Variants in ODAD1 observed in about 807,000 individuals in gnomAD.
ODAD1 encodes the protein outer dynein arm-docking complex subunit 1.
Under a neutral mutation model 67.2 loss-of-function variants are expected in ODAD1, and 49 were observed. The observed-to-expected ratio is 0.73, with a 90% CI of 0.58 to 0.92. The LOEUF is 0.92. ODAD1 is among the 40% of genes least tolerant of loss of function. ODAD1 has a pLI of 0.00. For synonymous variants in ODAD1, 345 were observed against 393.7 expected, an observed-to-expected ratio of 0.88 and a Z score of 1.46; for missense variants, 897 against 953.7, an observed-to-expected ratio of 0.94 and a Z score of 0.78.
intron 7 of ODAD1, among the ~76,000 whole-genome samples, chr19:48,307,455 T>C (rs1390172076): frequency 2.0e-5 from 3 of 151,896 alleles, no homozygotes; most frequent in African/African-American, 7.3e-5. Context: ...TTAAAACATA[T>C]AAAATATGTG....
intron 7 of ODAD1, among the ~76,000 whole-genome samples, chr19:48,308,527 C>G (rs1234194045): frequency 2.6e-5 from 4 of 152,178 alleles, no homozygotes; most frequent in Admixed American, 2.6e-4. Context: ...GGAGAAATGA[C>G]AGAGTCTTTT....
intron 7 of ODAD1, among the ~76,000 whole-genome samples, chr19:48,309,303 G>A (rs2147324999): frequency 6.6e-6 from 1 of 152,326 alleles, no homozygotes; most frequent in South Asian, 2.1e-4. Flanking sequence ...TGGGGGCCAG[G>A]TTGCCAGTAC....
At chr19:48,298,383 G>A (rs1387468134) in intron 12 of ODAD1, 43 bp from the exon 13 acceptor site, 1 of 1,601,640 alleles carries the variant, frequency 6.2e-7, no homozygotes. Context: ...GGCACCGCCA[G>A]CTGGGTGCCA....
chr19:48,310,484 C>A (rs944866026), intron 7 of ODAD1, among the ~76,000 whole-genome samples: 3 of 152,146 alleles, frequency 2.0e-5, no homozygotes, highest in Non-Finnish European at 4.4e-5. Flanking sequence ...GTTTAGAATT[C>A]TAACAATGTT....
In ODAD1 at chr19:48,303,048, A is replaced by G; in HGVS notation, c.1036T>C (p.Leu346=). The change falls in exon 11 of 16, where the codon TTG becomes CTG. Residue 346 remains leucine (L), a synonymous_variant. Transcript: ENST00000674294. ...AEFNFINEQN[L]ELEHVQEEIK... ...TCTTCCTGCACATGCTCCAGCTCCA[A>G]GTTCTGCTCGTTGATGAAGTTGAAC... 6.2e-7 allele frequency: 1 copy of G among 1,614,162 alleles called. No individual in the cohort carries two copies. Among genetic ancestry groups the G allele is most frequent in the Non-Finnish European group, 8.5e-7 (1 of 1,180,028 alleles).
intron 5 of ODAD1, among the ~76,000 whole-genome samples, chr19:48,313,447 CCAAAAAA>C (rs1569010182): frequency 2.7e-5 from 2 of 74,516 alleles, no homozygotes; most frequent in African/African-American, 7.3e-5. Flanking sequence ...AAAAAAAAAA[CCAAAAAA>C]AAACCTCACA....
At chr19:48,304,346 C>T (rs932826717) in intron 8 of ODAD1, among the ~76,000 whole-genome samples, 1 of 152,160 alleles carries the variant, frequency 6.6e-6, no homozygotes, top group Non-Finnish European at 1.5e-5. Context: ...AGAGAACTGG[C>T]TGGGCACGGT....
chr19:48,313,881 TCAAAACAAAA>T (rs199535441), intron 5 of ODAD1, among the ~76,000 whole-genome samples: 1,694 of 150,126 alleles, frequency 0.011, 24 homozygotes, highest in African/African-American at 0.032. Context: ...AGATCCTGTC[TCAAAACAAAA>T]CAAAACAAAA....
At chr19:48,306,366 C>T in intron 7 of ODAD1, 43 bp from the exon 8 acceptor site, 1 of 1,499,562 alleles carries the variant, frequency 6.7e-7, no homozygotes, top group Non-Finnish European at 9.1e-7. Context: ...TTCTTACAAC[C>T]CCATTGCTCG....
At position 48,321,813 on chromosome 19, in the gene ODAD1, G is replaced by A; in HGVS notation, c.-199C>T. On this transcript the variant is annotated 5_prime_UTR_variant, in exon 1 of 16. Coordinates refer to ENST00000674294, the MANE Select transcript of ODAD1 (RefSeq NM_001364171.2). ...GCTGACTGTGACCACGTTAAATTAA[G>A]GATTCATAGGAAGGAAGGCGGTGTC... 1 of 398,674 alleles carries A rather than the reference G, an allele frequency of 2.5e-6. No individual in the cohort carries two copies. The highest frequency in any genetic ancestry group is 4.4e-6 in the Non-Finnish European group (1 of 226,074). The allele number at this position is 398,674 out of a possible 1,614,324, so 24.7% of individuals were successfully genotyped here.
At chr19:48,310,166 G>A (rs1432239767) in intron 7 of ODAD1, among the ~76,000 whole-genome samples, 3 of 152,046 alleles carry the variant, frequency 2.0e-5, no homozygotes, top group South Asian at 2.1e-4. Flanking sequence ...CCCGGGAGGT[G>A]GAGGTTGCAG....
intron 14 of ODAD1, 130 bp from the exon 15 acceptor site, chr19:48,297,798 A>C: frequency 1.1e-6 from 1 of 934,122 alleles, no homozygotes; most frequent in Non-Finnish European, 1.5e-6. Context: ...CTTCTGGGGC[A>C]CCCGGGGCCC....
At chr19:48,298,137 C>A (rs371473952) in intron 13 of ODAD1, 40 bp from the exon 14 acceptor site, 32 of 1,611,764 alleles carry the variant, frequency 2.0e-5, no homozygotes, top group Non-Finnish European at 2.7e-5. Context: ...GGGCCACCCC[C>A]GAGACCGGCC....
intron 8 of ODAD1, 108 bp from the exon 9 acceptor site, chr19:48,304,248 C>T: frequency 8.7e-7 from 1 of 1,151,484 alleles, no homozygotes; most frequent in Non-Finnish European, 1.2e-6. Context: ...GAGGTGGAGT[C>T]AGCTGGTGTC....
chr19:48,312,702 C>T (rs2147329115), intron 5 of ODAD1, among the ~76,000 whole-genome samples: 2 of 152,290 alleles, frequency 1.3e-5, no homozygotes, highest in Admixed American at 1.3e-4. Flanking sequence ...CAGGCAAGAG[C>T]CACTGCACCC....
intron 5 of ODAD1, among the ~76,000 whole-genome samples, chr19:48,314,884 T>C (rs1181103827): frequency 6.7e-6 from 1 of 149,568 alleles, no homozygotes; most frequent in Non-Finnish European, 1.5e-5. Flanking sequence ...AGGTGGAGGC[T>C]GCAATGAGCC....
At position 48,318,734 on chromosome 19, in the gene ODAD1, T is replaced by C; in HGVS notation, c.149A>G (p.His50Arg). 6.4e-7 allele frequency: 1 copy of C among 1,551,010 alleles called. No homozygotes were observed. Among genetic ancestry groups the C allele is most frequent in the Non-Finnish European group, 8.7e-7 (1 of 1,146,508 alleles). The change falls in exon 4 of 16, where the codon CAC becomes CGC. Residue 50 changes from histidine (H) to arginine (R), a missense_variant. Transcript: ENST00000674294. ...GERRAYSKEV[H>R]QRINKQLEEI... ...TCACAGTTGCTTGTTGATGCGCTGG[T>C]GGACTTCCTTGCTGTAGGCCCGCCT...
chr19:48,317,038 C>T (rs1968917450), intron 5 of ODAD1, among the ~76,000 whole-genome samples: 1 of 152,066 alleles, frequency 6.6e-6, no homozygotes, highest in Non-Finnish European at 1.5e-5. Context: ...CTCTGTTGCC[C>T]AGGCTGGAGT....
At chr19:48,310,101 G>A (rs1475695786) in intron 7 of ODAD1, among the ~76,000 whole-genome samples, 1 of 152,156 alleles carries the variant, frequency 6.6e-6, no homozygotes, top group Admixed American at 6.5e-5. Flanking sequence ...GGGCATGGTG[G>A]TGCATGCCTG....
Sources: gnomAD v4.1 joint callset for allele counts (sites outside exome capture counted in the v4.1 genomes callset) on GRCh38, gnomAD v4.1.1 for gene constraint, MANE v1.5 for transcripts, NCBI Gene and HGNC (gene_info 2026-07-23, HGNC 2026-07-21) for gene names.